CYRIA: variants seen among roughly 807,000 people sequenced by gnomAD.
CYRIA encodes CYFIP related Rac1 interactor A.
CYRIA carries 15 observed loss-of-function variants against 43.9 expected under a neutral mutation model. That is an observed-to-expected ratio of 0.34 (90% CI 0.23 to 0.53). The LOEUF is 0.53. CYRIA is among the 20% of genes least tolerant of loss of function. CYRIA has a pLI of 0.94. For synonymous variants in CYRIA, 117 were observed against 136.0 expected (o/e 0.86, Z 0.97); for missense variants, 236 against 394.2 (o/e 0.60, Z 3.40).
intron 2 of CYRIA, among the ~76,000 whole-genome samples, chr2:16,614,866 A>G (rs1293269993): frequency 6.6e-6 from 1 of 152,010 alleles, no homozygotes; most frequent in Non-Finnish European, 1.5e-5. Flanking sequence ...GCTGGCTCTT[A>G]CTCATCTTCA....
rs1441615573 is a variant in CYRIA, at chr2:16,565,743, C to T, written c.95G>A (p.Arg32Lys). ...GGCGCTGATCTGGTTCCAGATTTCTCTCTCTCCTTCTGTAGGCTGAGCATC... is the reference window on the plus strand; with the variant it reads ...GGCGCTGATCTGGTTCCAGATTTCTTTCTCTCCTTCTGTAGGCTGAGCATC... Reference protein sequence around the residue: ...FENAQPTEGEREIWNQISAVL... With the variant: ...FENAQPTEGEKEIWNQISAVL... The change falls in exon 4 of 12, where the codon AGA becomes AAA. Residue 32 changes from arginine (R) to lysine (K), a missense_variant. Arg to Lys is a conservative substitution (Grantham distance 26). Around this residue, in one of 3 missense-constraint regions of CYRIA, gnomAD observed 193 missense variants for 303.9 expected, o/e 0.64. Coordinates refer to ENST00000381323, the MANE Select transcript of CYRIA (RefSeq NM_030797.4). The T allele has an allele frequency of 3.2e-6, 5 of 1,582,414 alleles. No individual in the cohort carries two copies. The highest frequency in any genetic ancestry group is 4.3e-6 in the Non-Finnish European group (5 of 1,156,116).
At chr2:16,629,133 C>A (rs1669249701) in intron 1 of CYRIA, among the ~76,000 whole-genome samples, 1 of 152,138 alleles carries the variant, frequency 6.6e-6, no homozygotes, top group Admixed American at 6.5e-5. Flanking sequence ...GCCACCACTA[C>A]TGGACCTGCT....
At chr2:16,589,855 A>G (rs1327528272) in intron 2 of CYRIA, among the ~76,000 whole-genome samples, 1 of 152,062 alleles carries the variant, frequency 6.6e-6, no homozygotes, top group Admixed American at 6.6e-5. Context: ...AAATGATGAG[A>G]AAAAATTTCT....
intron 2 of CYRIA, among the ~76,000 whole-genome samples, chr2:16,618,365 AG>A (rs1668875613): frequency 6.6e-6 from 1 of 152,190 alleles, no homozygotes; most frequent in African/African-American, 2.4e-5. Context: ...GGGTGCAGCC[AG>A]GGTTTTGGAG....
At chr2:16,659,562 C>A (rs1036219316) in intron 1 of CYRIA, among the ~76,000 whole-genome samples, 1 of 152,170 alleles carries the variant, frequency 6.6e-6, no homozygotes, top group Non-Finnish European at 1.5e-5. Context: ...GACTACAAGA[C>A]CCCGGGTCTT....
chr2:16,664,561 G>A (rs1302571155), intron 1 of CYRIA, among the ~76,000 whole-genome samples: 4 of 152,046 alleles, frequency 2.6e-5, no homozygotes, highest in Non-Finnish European at 4.4e-5. Context: ...AGTGAAAGCC[G>A]ACAATGATCC....
rs1667620643 is a variant in CYRIA, at chr2:16,583,491, G to C, written c.70+4559C>G. On this transcript the variant is annotated intron_variant, in intron 3 of 11. Coordinates refer to ENST00000381323, the MANE Select transcript of CYRIA (RefSeq NM_030797.4). ...CAACTGAATCTGATTTTTTAGGTGA[G>C]TCTCAGGTAACCATATAAAAAGAAG... Among the ~76,000 whole-genome samples the C allele has an allele frequency of 8.5e-5, 13 of 152,288 alleles. No homozygotes were observed. The South Asian group carries it at 2.7e-3, about 32-fold the overall frequency.
At chr2:16,629,511 T>C (rs1274633893) in intron 1 of CYRIA, among the ~76,000 whole-genome samples, 1 of 152,192 alleles carries the variant, frequency 6.6e-6, no homozygotes, top group Non-Finnish European at 1.5e-5. Context: ...GTCTGTTCTC[T>C]GAAGAGACCG....
chr2:16,615,760 C>T (rs1668761287), intron 2 of CYRIA, among the ~76,000 whole-genome samples: 1 of 152,228 alleles, frequency 6.6e-6, no homozygotes, highest in African/African-American at 2.4e-5. Flanking sequence ...AACAGTCAAC[C>T]TACCTATTGC....
At chr2:16,584,398 C>T (rs773272006) in intron 3 of CYRIA, among the ~76,000 whole-genome samples, 18 of 152,182 alleles carry the variant, frequency 1.2e-4, no homozygotes, top group Admixed American at 3.3e-4. Flanking sequence ...GGGGCCCAGA[C>T]CCTGCCTCCA....
intron 1 of CYRIA, among the ~76,000 whole-genome samples, chr2:16,646,546 G>C (rs1230674613): frequency 6.6e-6 from 1 of 152,210 alleles, no homozygotes; most frequent in African/African-American, 2.4e-5. Context: ...GCCACGTGCA[G>C]TGTGGGAGCC....
intron 1 of CYRIA, among the ~76,000 whole-genome samples, chr2:16,664,165 C>T (rs995189687): frequency 6.6e-6 from 1 of 152,084 alleles, no homozygotes; most frequent in Non-Finnish European, 1.5e-5. Flanking sequence ...TGCCCAAGCC[C>T]GTGATGCTGC....
intron 3 of CYRIA, among the ~76,000 whole-genome samples, chr2:16,587,392 C>T (rs959607072): frequency 2.6e-5 from 4 of 152,008 alleles, no homozygotes; most frequent in African/African-American, 4.8e-5. Flanking sequence ...TGTGGGCTTA[C>T]GACCTTCAAA....
chr2:16,658,055 A>G (rs904033944), intron 1 of CYRIA, among the ~76,000 whole-genome samples: 2 of 152,244 alleles, frequency 1.3e-5, no homozygotes, highest in Non-Finnish European at 2.9e-5. Context: ...GAAAAAAAAT[A>G]CATGTTTAAA....
At chr2:16,607,017 C>T (rs1461362868) in intron 2 of CYRIA, among the ~76,000 whole-genome samples, 1 of 152,052 alleles carries the variant, frequency 6.6e-6, no homozygotes, top group African/African-American at 2.4e-5. Context: ...AATATGAGGC[C>T]AAGAGAGATT....
chr2:16,625,947 A>C (rs1480136141), intron 1 of CYRIA, among the ~76,000 whole-genome samples: 1 of 151,880 alleles, frequency 6.6e-6, no homozygotes, highest in Non-Finnish European at 1.5e-5. Flanking sequence ...CCACCACAAA[A>C]CCAAGAGGGT....
rs73918350 is a variant in CYRIA, at chr2:16,564,930, A to G, written c.192+716T>C. Among the ~76,000 whole-genome samples, 1,322 of 152,292 alleles carry G rather than the reference A, an allele frequency of 8.7e-3. 26 individuals are homozygous for G. Among genetic ancestry groups the G allele is most frequent in the African/African-American group, 0.03 (1,244 of 41,564 alleles). On this transcript the variant is annotated intron_variant, in intron 4 of 11. Transcript: ENST00000381323. ...TGGCTGTTGTGTATCACACTGGTGG[A>G]ACCTGCCTGAGTAATTACCAAATGC...
chr2:16,633,495 T>C (rs4832663), intron 1 of CYRIA, among the ~76,000 whole-genome samples: 29,365 of 149,610 alleles, frequency 0.2, 4,919 homozygotes, highest in East Asian at 0.61. Flanking sequence ...CTCACTGCAA[T>C]GTCCACCTCG....
chr2:16,565,063 A>G, intron 4 of CYRIA, among the ~76,000 whole-genome samples: 1 of 152,196 alleles, frequency 6.6e-6, no homozygotes, highest in East Asian at 1.9e-4. Flanking sequence ...ATTATTGTTT[A>G]AATGTGAGTC....
Sources: allele counts gnomAD v4.1 joint callset (sites outside exome capture counted in the v4.1 genomes callset), GRCh38; gene constraint gnomAD v4.1.1; regional missense constraint gnomAD v4.1.1; transcripts MANE v1.5; gene names NCBI Gene and HGNC (gene_info 2026-07-23, HGNC 2026-07-21).